The following HEATR5A variants were observed in gnomAD, a reference collection of about 807,000 sequenced individuals.
HEATR5A encodes the protein HEAT repeat containing 5A.
HEATR5A carries 178 observed loss-of-function variants against 218.8 expected under a neutral mutation model. That is an observed-to-expected ratio of 0.81 (90% CI 0.72 to 0.92). The LOEUF (loss-of-function observed/expected upper bound fraction) is 0.92. Among genes scored for constraint, HEATR5A ranks in the 40% least tolerant of loss-of-function variants. HEATR5A has a pLI of 0.00. For synonymous variants in HEATR5A, 864 were observed against 871.6 expected (o/e 0.99, Z 0.15); for missense variants, 2,420 against 2,418.9 (o/e 1.00, Z -0.01).
chr14:31,325,143 TA>T (rs1227129819), intron 23 of HEATR5A, among the ~76,000 whole-genome samples: 1 of 152,170 alleles, frequency 6.6e-6, no homozygotes, highest in Non-Finnish European at 1.5e-5. Context: ...TAAAACAGAA[TA>T]AAATTGTCTA....
chr14:31,395,945 C>T (rs1048045358), intron 4 of HEATR5A, among the ~76,000 whole-genome samples: 2 of 152,136 alleles, frequency 1.3e-5, no homozygotes, highest in Non-Finnish European at 2.9e-5. Context: ...CTCTGTGACC[C>T]GCAGTAACTT....
intron 1 of HEATR5A, among the ~76,000 whole-genome samples, chr14:31,418,122 C>A (rs1465574234): frequency 6.6e-6 from 1 of 151,862 alleles, no homozygotes; most frequent in African/African-American, 2.4e-5. Context: ...GCAGGAGAAT[C>A]ACTTGCACCG....
chr14:31,379,152 T>C (rs1396650530), intron 11 of HEATR5A, among the ~76,000 whole-genome samples: 1 of 151,730 alleles, frequency 6.6e-6, no homozygotes, highest in Non-Finnish European at 1.5e-5. Context: ...ACCGTGTTGT[T>C]GGCCAGGCTG....
intron 34 of HEATR5A, 101 bp downstream of exon 34, chr14:31,295,808 G>A (rs968862645): frequency 1.1e-6 from 1 of 880,228 alleles, no homozygotes; most frequent in Non-Finnish European, 1.8e-6. Context: ...AAAAATTGTA[G>A]TCTAATACTT....
intron 31 of HEATR5A, among the ~76,000 whole-genome samples, chr14:31,306,356 G>A (rs935640298): frequency 6.6e-6 from 1 of 152,130 alleles, no homozygotes; most frequent in African/African-American, 2.4e-5. Context: ...GGTGGCATGT[G>A]CCTGATGCCC....
chr14:31,308,462 G>A (rs1312518199), intron 29 of HEATR5A, among the ~76,000 whole-genome samples: 11 of 146,226 alleles, frequency 7.5e-5, no homozygotes, highest in East Asian at 2.0e-4. Flanking sequence ...AGCCGAGATC[G>A]CTCCATTGCA....
chr14:31,311,943 T>C (rs918764394), intron 28 of HEATR5A, among the ~76,000 whole-genome samples: 1 of 152,148 alleles, frequency 6.6e-6, no homozygotes, highest in Non-Finnish European at 1.5e-5. Flanking sequence ...CTGACCCGAA[T>C]GGCCACTTGT....
intron 14 of HEATR5A, among the ~76,000 whole-genome samples, chr14:31,363,133 G>A (rs923998634): frequency 6.6e-5 from 10 of 151,820 alleles, no homozygotes; most frequent in African/African-American, 1.5e-4. Context: ...CAGCTACTCC[G>A]GAGGCTGAGG....
At chr14:31,316,861 AT>A (rs1013479227) in intron 26 of HEATR5A, among the ~76,000 whole-genome samples, 2 of 151,780 alleles carry the variant, frequency 1.3e-5, no homozygotes, top group Non-Finnish European at 2.9e-5. Context: ...CTAATTTTTT[AT>A]TTTTTTATAG....
At chr14:31,318,555 A>C (rs909670952) in intron 25 of HEATR5A, among the ~76,000 whole-genome samples, 3 of 152,240 alleles carry the variant, frequency 2.0e-5, no homozygotes, top group African/African-American at 7.2e-5. Context: ...CAGTGGCGCA[A>C]TCTCGGCTCA....
At position 31,394,122 on chromosome 14, in the gene HEATR5A, C is replaced by G. The variant is rs1321598823; in HGVS notation, c.702G>C (p.Val234=). The change falls in exon 6 of 36, where the codon GTG becomes GTC. Residue 234 remains valine (V), a synonymous_variant. Transcript: ENST00000543095. ...CTAGTAACTTTGAAACAGAAATCCG[C>G]ACATCATAATTGGAACCTTCAAAGG... ...FKSFEGSNYD[V]RISVSKLLGI... 3 of 1,535,332 alleles carry G rather than the reference C, an allele frequency of 2.0e-6. No homozygotes were observed. The highest frequency in any genetic ancestry group is 2.6e-6 in the Non-Finnish European group (3 of 1,146,224).
chr14:31,347,886 C>G lies in HEATR5A; in HGVS notation c.2730G>C (p.Val910=). 6.5e-7 allele frequency: 1 copy of G among 1,529,428 alleles called. No individual in the cohort carries two copies. Among genetic ancestry groups the G allele is most frequent in the Non-Finnish European group, 8.8e-7 (1 of 1,141,268 alleles). 94.7% of individuals were successfully genotyped at this position (1,529,428 alleles called of 1,614,324 possible). A position where few individuals can be genotyped will look rare whatever the true frequency, so the allele number is the denominator to read the frequency against. ...CCAATGAGTGTCCTGTTCTGGTAAC[C>G]ACATCCCTTGCTGATTTCAATCTGT... ...SFDKLKSARD[V]VTRTGHSLAL... Residue 910 remains valine (V), a synonymous_variant, in exon 19 of 36, where the codon GTG becomes GTC. Transcript: ENST00000543095.
chr14:31,350,681 C>A lies in HEATR5A; in HGVS notation c.2448G>T (p.Lys816Asn), dbSNP rs756706626. The A allele has an allele frequency of 1.9e-6, 3 of 1,599,546 alleles. 1 individual carries two copies. The highest frequency in any genetic ancestry group is 2.2e-5 in the South Asian group (2 of 89,034). The change falls in exon 17 of 36, where the codon AAG becomes AAT. Residue 816 changes from lysine to asparagine, a missense_variant. Lys to Asn is a moderately conservative substitution (Grantham distance 94, BLOSUM62 0). Transcript: ENST00000543095. Reference protein sequence around the residue: ...LILEQLLDSIKHTKGARQQVV... With the variant: ...LILEQLLDSINHTKGARQQVV... ...CTTGCTGACGAGCTCCTTTTGTGTG[C>A]TTTATACTGTCCAAAAGCTGTTCCA...
rs144026749 is a variant in HEATR5A at position 31,413,088 on chromosome 14, T to C, written c.-75+7384A>G. Among the ~76,000 whole-genome samples, 311 of 152,246 alleles carry C rather than the reference T, an allele frequency of 2.0e-3. 2 individuals are homozygous for C. The highest frequency in any genetic ancestry group is 7.1e-3 in the African/African-American group (296 of 41,548). The stretch of plus-strand genomic sequence containing the variant: ...GGCACGGCACTAATACTTCTAATTG[T>C]AATATATAATGAAAACACATTCAGT... On this transcript the variant is annotated intron_variant, in intron 1 of 35. Coordinates refer to ENST00000543095, the MANE Select transcript of HEATR5A (RefSeq NM_015473.4).
Position 31,345,188 on chromosome 14 carries a change from A to G in HEATR5A, c.2957T>C (p.Ile986Thr), listed in dbSNP as rs759112209. ...VHVEPTLSLI[I>T]MLLLNVPPTH... ...AGGAGGCACATTTAACAACAACATT[A>G]TAATAAGAGAAAGGGTAGGTTCCAC... Residue 986 changes from isoleucine to threonine, a missense_variant, in exon 20 of 36, where the codon ATA becomes ACA. Coordinates refer to ENST00000543095, the MANE Select transcript of HEATR5A (RefSeq NM_015473.4). The G allele has an allele frequency of 7.4e-6, 12 of 1,613,648 alleles. No individual in the cohort carries two copies. The East Asian group carries it at 2.7e-4, about 36-fold the overall frequency.
Position 31,326,201 on chromosome 14 carries a change from C to T in HEATR5A, c.3509G>A (p.Trp1170Ter). The T allele has an allele frequency of 6.2e-7, 1 of 1,613,258 alleles. No individual in the cohort carries two copies. Among genetic ancestry groups the T allele is most frequent in the Non-Finnish European group, 8.5e-7 (1 of 1,179,428 alleles). The change falls in exon 23 of 36, where the codon TGG (tryptophan) becomes TAG (stop). Residue 1170 changes from tryptophan to a stop codon, truncating the protein, a stop_gained. Transcript: ENST00000543095. LOFTEE classifies it high-confidence loss of function. ...TSMAVEKLSL[W>*]LKLCKDVLAA... ...AAGTACATCTTTACAAAGCTTTAAC[C>T]ACAGGGAGAGTTTTTCCACTGCCAT...
At chr14:31,351,315 G>C (rs777507132) in intron 16 of HEATR5A, among the ~76,000 whole-genome samples, 1 of 152,054 alleles carries the variant, frequency 6.6e-6, no homozygotes, top group Non-Finnish European at 1.5e-5. Context: ...AACACAGTGA[G>C]ACCTCTGATG....
chr14:31,358,814 TA>T lies in HEATR5A; in HGVS notation c.2236-3del, dbSNP rs1566766986. Reference sequence around the variant, plus strand: ...AGCAACACCATTACCAAGCAGGAGCTAAAAGGGAAAAAAAGTATATAAGGTT... The same window carrying T: ...AGCAACACCATTACCAAGCAGGAGCTAAAGGGAAAAAAAGTATATAAGGTT... On this transcript the variant is annotated splice_region_variant and splice_polypyrimidine_tract_variant and intron_variant, in intron 15 of 35. Transcript: ENST00000543095. 1.2e-6 allele frequency: 2 copies of T among 1,609,976 alleles called. No homozygotes were observed. The highest frequency in any genetic ancestry group is 1.7e-5 in the Admixed American group (1 of 58,652).
At chr14:31,419,654 A>C (rs2139337904) in intron 1 of HEATR5A, among the ~76,000 whole-genome samples, 1 of 152,372 alleles carries the variant, frequency 6.6e-6, no homozygotes, top group South Asian at 2.1e-4. Flanking sequence ...TTAATGTAGG[A>C]GCTCAAGCCA....
Sources: gnomAD v4.1 joint callset for allele counts (sites outside exome capture counted in the v4.1 genomes callset) on GRCh38, gnomAD v4.1.1 for gene constraint, MANE v1.5 for transcripts, NCBI Gene and HGNC (gene_info 2026-07-23, HGNC 2026-07-21) for gene names.